MAMSTR: variants seen among roughly 807,000 people sequenced by gnomAD.
MAMSTR encodes MEF2-activating motif and SAP domain-containing transcriptional regulator.
MAMSTR carries 41 observed loss-of-function variants against 42.7 expected under a neutral mutation model. That is an observed-to-expected ratio of 0.96 (90% CI 0.75 to 1.25). The LOEUF (loss-of-function observed/expected upper bound fraction) is 1.25, where lower values mean the gene tolerates loss of function less well. Ranked by LOEUF, MAMSTR falls within the 50% of genes most tolerant of loss-of-function variation. The pLI, the probability that MAMSTR is intolerant of heterozygous loss-of-function variation, is 0.00. For missense variants in MAMSTR, 567 were observed against 557.6 expected (o/e 1.02, Z -0.17); for synonymous variants, 265 against 244.1 (o/e 1.09, Z -0.80).
chr19:48,716,022 G>A (rs1601253675), intron 3 of MAMSTR: 3 of 1,202,372 alleles, frequency 2.5e-6, no homozygotes, highest in Non-Finnish European at 2.1e-6. Flanking sequence ...GATGTCTGAG[G>A]TTTTGCTAGG....
chr19:48,715,147 G>A, intron 5 of MAMSTR, 115 bp downstream of exon 5: 2 of 900,012 alleles, frequency 2.2e-6, no homozygotes, highest in Non-Finnish European at 3.5e-6. Flanking sequence ...CTTAAACCCT[G>A]GGAGAAGAGA....
At chr19:48,715,872 C>T (rs2033000384) in intron 3 of MAMSTR, 105 bp from the exon 4 acceptor site, 5 of 1,475,134 alleles carry the variant, frequency 3.4e-6, no homozygotes, top group Non-Finnish European at 4.5e-6. Context: ...GAGGGCAGGC[C>T]AGGGAGCAAG....
intron 2 of MAMSTR, 199 bp from the exon 3 acceptor site, chr19:48,716,942 C>A: frequency 2.5e-6 from 3 of 1,189,178 alleles, no homozygotes; most frequent in African/African-American, 1.6e-5. Context: ...CGCAGCGCCG[C>A]GGGCCAGCGC....
At chr19:48,714,121 T>C in intron 7 of MAMSTR, 76 bp from the exon 8 acceptor site, 3 of 1,437,578 alleles carry the variant, frequency 2.1e-6, no homozygotes, top group Non-Finnish European at 2.8e-6. Context: ...AACGTGTGGC[T>C]CCACCCCTTG....
intron 4 of MAMSTR, 81 bp from the exon 5 acceptor site, chr19:48,715,527 C>T (rs1601252505): frequency 3.4e-6 from 5 of 1,470,188 alleles, no homozygotes; most frequent in South Asian, 2.8e-5. Flanking sequence ...AGTATGGGGT[C>T]AGCTCGGTGC....
At chr19:48,715,799 T>G (rs760443128) in intron 3 of MAMSTR, 32 bp from the exon 4 acceptor site, 64 of 1,519,016 alleles carry the variant, frequency 4.2e-5, no homozygotes, top group Non-Finnish European at 5.1e-5. Context: ...CTGAGAGGCC[T>G]GCAGGCAGCA....
chr19:48,714,820 G>C lies in MAMSTR; in HGVS notation c.514C>G (p.Leu172Val), dbSNP rs1242949631. 6.2e-7 allele frequency: 1 copy of C among 1,609,906 alleles called. No homozygotes were observed. Among genetic ancestry groups the C allele is most frequent in the East Asian group, 2.2e-5 (1 of 44,834 alleles). The change falls in exon 6 of 10, where the codon CTG (leucine) becomes GTG (valine). Residue 172 changes from leucine to valine, a missense_variant. By Grantham distance (32) the Leu-to-Val change is conservative. Transcript: ENST00000318083. ...CCCAAACTCACCGTCAGCTCCTCCA[G>C]TTTAAGGGTCTGAAGTTCCAACTTG... Reference protein sequence around the residue: ...PHKLELQTLKLEELTVSELRQ... With the variant: ...PHKLELQTLKVEELTVSELRQ...
intron 2 of MAMSTR, among the ~76,000 whole-genome samples, chr19:48,717,252 C>T (rs1021167627): frequency 6.6e-6 from 1 of 152,252 alleles, no homozygotes; most frequent in South Asian, 2.1e-4. Flanking sequence ...TTTGCAGACT[C>T]TTCATCCTTG....
intron 2 of MAMSTR, 65 bp downstream of exon 2, chr19:48,718,907 CTT>C: frequency 7.6e-7 from 1 of 1,318,118 alleles, no homozygotes; most frequent in Non-Finnish European, 1.1e-6. Context: ...CCACCCCTCC[CTT>C]CCCACCCCAG....
intron 2 of MAMSTR, among the ~76,000 whole-genome samples, chr19:48,717,865 C>T (rs1158005589): frequency 5.9e-5 from 9 of 152,132 alleles, no homozygotes; most frequent in African/African-American, 7.2e-5. Context: ...CCGCCACACC[C>T]GGCTAATTTT....
At position 48,713,502 on chromosome 19, in the gene MAMSTR, A is replaced by C. The variant is rs780394599; in HGVS notation, c.1013T>G (p.Leu338Arg). Reference protein sequence around the residue: ...PLDFPGSFDVLSPSPDSEGLS... With the variant: ...PLDFPGSFDVRSPSPDSEGLS... Reference sequence around the variant, plus strand: ...GCCTTCAGAGTCCGGGGAGGGGGACAGCACGTCGAAGGAGCCAGGGAAGTC... The same window carrying C: ...GCCTTCAGAGTCCGGGGAGGGGGACCGCACGTCGAAGGAGCCAGGGAAGTC... Residue 338 changes from leucine (L) to arginine (R), a missense_variant, in exon 10 of 10, where the codon CTG becomes CGG. Transcript: ENST00000318083. 6.2e-7 allele frequency: 1 copy of C among 1,612,804 alleles called. No homozygotes were observed. The highest frequency in any genetic ancestry group is 1.1e-5 in the South Asian group (1 of 91,010).
intron 7 of MAMSTR, 105 bp downstream of exon 7, chr19:48,714,261 G>C: frequency 9.3e-7 from 1 of 1,078,402 alleles, no homozygotes; most frequent in Non-Finnish European, 1.2e-6. Context: ...GCTTCCTACC[G>C]CTGGTCCTCG....
Position 48,713,199 on chromosome 19 carries a change from C to A in MAMSTR, c.*68G>T. On this transcript the variant is annotated 3_prime_UTR_variant, in exon 10 of 10. Transcript: ENST00000318083. ...GTAGGAGGGGCTCTGCTGGTAGTTC[C>A]CTCTCCTCCCACAAGGAGCTTCTCT... is the stretch of plus-strand genomic sequence containing the variant. 1 of 1,447,520 alleles carries A rather than the reference C, an allele frequency of 6.9e-7. No individual in the cohort carries two copies. The highest frequency in any genetic ancestry group is 9.2e-7 in the Non-Finnish European group (1 of 1,084,406). 89.7% of individuals were successfully genotyped at this position (1,447,520 alleles called of 1,614,324 possible).
chr19:48,713,626 G>T, intron 9 of MAMSTR, 76 bp from the exon 10 acceptor site: 14 of 1,602,070 alleles, frequency 8.7e-6, no homozygotes, highest in Non-Finnish European at 1.2e-5. Context: ...CCATTTCCAG[G>T]ATCCAGCTCC....
At chr19:48,713,821 C>A in intron 8 of MAMSTR, 39 bp downstream of exon 8, 1 of 1,614,216 alleles carries the variant, frequency 6.2e-7, no homozygotes, top group Non-Finnish European at 8.5e-7. Context: ...CTGGACCTGA[C>A]TGGAGAACCC....
At chr19:48,709,411 G>A (rs1194036719), downstream of MAMSTR, among the ~76,000 whole-genome samples, 1 of 152,148 alleles carries the variant, frequency 6.6e-6, no homozygotes, top group East Asian at 1.9e-4. Context: ...GCCTCCCAAA[G>A]TGCTGGGATT....
At chr19:48,711,751 T>TG (rs1324994583), downstream of MAMSTR, among the ~76,000 whole-genome samples, 2 of 141,632 alleles carry the variant, frequency 1.4e-5, no homozygotes, top group East Asian at 4.1e-4. Flanking sequence ...TTTTTTTTTT[T>TG]TTTTTTTTTT....
At chr19:48,714,583 A>G in intron 6 of MAMSTR, 23 bp from the exon 7 acceptor site, 2 of 1,447,700 alleles carry the variant, frequency 1.4e-6, no homozygotes, top group South Asian at 1.5e-5. Context: ...GGGGCGTGGG[A>G]AGAGGCAGTG....
intron 2 of MAMSTR, among the ~76,000 whole-genome samples, chr19:48,718,444 A>G (rs1317071432): frequency 4.2e-5 from 6 of 141,436 alleles, no homozygotes; most frequent in South Asian, 2.2e-4. Context: ...CTGGAGTGCA[A>G]TGGCGTGATC....
Sources: allele counts gnomAD v4.1 joint callset (sites outside exome capture counted in the v4.1 genomes callset), GRCh38; gene constraint gnomAD v4.1.1; transcripts MANE v1.5; gene names NCBI Gene and HGNC (gene_info 2026-07-23, HGNC 2026-07-21).